The following ZDHHC14 variants were observed in gnomAD, a reference collection of about 807,000 sequenced individuals.
ZDHHC14 encodes the protein zDHHC palmitoyltransferase 14, also known as palmitoyltransferase ZDHHC14.
In ZDHHC14, 16 loss-of-function variants were observed where a neutral mutation model predicts 47.7. The ratio of observed to expected loss-of-function variants is 0.34; its 90% CI spans 0.23 to 0.51. The LOEUF is 0.51. Ranked by LOEUF, ZDHHC14 falls within the 20% of genes least tolerant of loss-of-function variation. The pLI, the probability that ZDHHC14 is intolerant of heterozygous loss-of-function variation, is 0.97. For synonymous variants in ZDHHC14, 293 were observed against 278.9 expected (o/e 1.05, Z -0.50); for missense variants, 515 against 662.5 (o/e 0.78, Z 2.44).
At chr6:157,528,056 G>A (rs774158045) in intron 1 of ZDHHC14, among the ~76,000 whole-genome samples, 15 of 152,086 alleles carry the variant, frequency 9.9e-5, no homozygotes, top group African/African-American at 3.1e-4. Flanking sequence ...GGCCAGCCAG[G>A]CATGATTTCC....
chr6:157,542,894 G>A (rs993746087), intron 2 of ZDHHC14, 149 bp downstream of exon 2: 18 of 1,006,170 alleles, frequency 1.8e-5, no homozygotes, highest in Non-Finnish European at 2.4e-5. Flanking sequence ...CGCTGGGTGG[G>A]CAGGATGAGC....
chr6:157,422,481 G>T (rs1389371214), intron 1 of ZDHHC14, among the ~76,000 whole-genome samples: 1 of 152,188 alleles, frequency 6.6e-6, no homozygotes, highest in Admixed American at 6.5e-5. Flanking sequence ...AAACTCAGCA[G>T]CCTCTAGTGG....
At chr6:157,466,054 A>AG (rs1562436515) in intron 1 of ZDHHC14, among the ~76,000 whole-genome samples, 3 of 151,868 alleles carry the variant, frequency 2.0e-5, no homozygotes, top group Admixed American at 6.5e-5. Flanking sequence ...AGAAAAAAAA[A>AG]AGAGAGAGAG....
chr6:157,573,120 G>A (rs1484884877), intron 2 of ZDHHC14, among the ~76,000 whole-genome samples: 21 of 151,900 alleles, frequency 1.4e-4, no homozygotes, highest in East Asian at 7.8e-4. Context: ...TTCCTGTTCC[G>A]AGAAAGGCAA....
At chr6:157,576,467 T>C (rs188194907) in intron 2 of ZDHHC14, among the ~76,000 whole-genome samples, 1 of 152,340 alleles carries the variant, frequency 6.6e-6, no homozygotes, top group Non-Finnish European at 1.5e-5. Context: ...GCCCAGAGAT[T>C]ATATTCAATG....
At position 157,582,125 on chromosome 6, in the gene ZDHHC14, G is replaced by T. The variant is rs766810311; in HGVS notation, c.407-10863G>T. ...TTGGCCAGGCTGGTCTCAAACTCCT[G>T]GCCTCAAGTGATCTGCCCACCTGGG... On this transcript the variant is annotated intron_variant, in intron 2 of 8. Coordinates refer to ENST00000359775, the MANE Select transcript of ZDHHC14 (RefSeq NM_024630.3). The surrounding 1 kb of genome is among the most constrained non-coding windows in gnomAD (Gnocchi z 4.3). Among the ~76,000 whole-genome samples, 6 of 152,180 alleles carry T rather than the reference G, an allele frequency of 3.9e-5. No homozygotes were observed. Among genetic ancestry groups the T allele is most frequent in the Non-Finnish European group, 7.3e-5 (5 of 68,036 alleles).
At chr6:157,422,236 G>C (rs1778123032) in intron 1 of ZDHHC14, among the ~76,000 whole-genome samples, 1 of 152,202 alleles carries the variant, frequency 6.6e-6, no homozygotes, top group Non-Finnish European at 1.5e-5. Context: ...TGGATTGAGG[G>C]TGGGATGTCA....
intron 1 of ZDHHC14, among the ~76,000 whole-genome samples, chr6:157,518,631 T>G: frequency 6.6e-6 from 1 of 151,562 alleles, no homozygotes; most frequent in Non-Finnish European, 1.5e-5. Context: ...GTCCCCGCCT[T>G]TCCCACCCTC....
chr6:157,597,929 TCC>T, intron 3 of ZDHHC14, among the ~76,000 whole-genome samples: 1 of 152,340 alleles, frequency 6.6e-6, no homozygotes, highest in African/African-American at 2.4e-5. Flanking sequence ...GGCAGGGCTT[TCC>T]CCTGCCTCTT....
At chr6:157,647,798 G>A (rs1399753351) in intron 7 of ZDHHC14, among the ~76,000 whole-genome samples, 1 of 152,216 alleles carries the variant, frequency 6.6e-6, no homozygotes, top group East Asian at 1.9e-4. Context: ...TAGGGAGAAA[G>A]CCACATGGGC....
At chr6:157,615,696 A>G (rs1008911587) in intron 3 of ZDHHC14, among the ~76,000 whole-genome samples, 2 of 152,238 alleles carry the variant, frequency 1.3e-5, no homozygotes, top group Non-Finnish European at 2.9e-5. Flanking sequence ...GTGGTGTTTC[A>G]TAAGGGGGCA....
intron 1 of ZDHHC14, among the ~76,000 whole-genome samples, chr6:157,451,736 T>C (rs956587173): frequency 2.6e-5 from 4 of 152,130 alleles, no homozygotes; most frequent in East Asian, 1.9e-4. Flanking sequence ...AATTTTTGTA[T>C]TTTTAGTAGA....
At chr6:157,436,240 G>A (rs867061819) in intron 1 of ZDHHC14, among the ~76,000 whole-genome samples, 2 of 152,134 alleles carry the variant, frequency 1.3e-5, no homozygotes, top group South Asian at 4.2e-4. Context: ...AGATAATGAA[G>A]ATGCAAATGG....
chr6:157,388,371 A>G (rs1048895121), intron 1 of ZDHHC14, among the ~76,000 whole-genome samples: 2 of 152,364 alleles, frequency 1.3e-5, no homozygotes, highest in African/African-American at 4.8e-5. Context: ...AATGGGCCAT[A>G]TCTGCATATC....
chr6:157,388,481 G>A (rs2800441), intron 1 of ZDHHC14, among the ~76,000 whole-genome samples: 103,445 of 151,846 alleles, frequency 0.68, 36,844 homozygotes, highest in Middle Eastern at 0.89. Context: ...AGAGTTGCAA[G>A]GAAGTGCATT....
At chr6:157,623,304 G>C (rs1011700616) in intron 3 of ZDHHC14, among the ~76,000 whole-genome samples, 6 of 152,136 alleles carry the variant, frequency 3.9e-5, no homozygotes, top group East Asian at 1.9e-4. Context: ...TAGTGAGTGA[G>C]TTCTCATGAG....
chr6:157,666,071 C>T (rs1260079437), intron 8 of ZDHHC14, among the ~76,000 whole-genome samples: 1 of 152,200 alleles, frequency 6.6e-6, no homozygotes, highest in South Asian at 2.1e-4. Context: ...ATATGCATGA[C>T]ATACTCACGA....
At chr6:157,576,189 C>T (rs1383596812) in intron 2 of ZDHHC14, among the ~76,000 whole-genome samples, 1 of 152,220 alleles carries the variant, frequency 6.6e-6, no homozygotes, top group East Asian at 1.9e-4. Context: ...AGGATTTTAA[C>T]TGGAAGAGGA....
intron 3 of ZDHHC14, among the ~76,000 whole-genome samples, chr6:157,622,572 C>T (rs1785238854): frequency 6.6e-6 from 1 of 152,114 alleles, no homozygotes; most frequent in African/African-American, 2.4e-5. Flanking sequence ...CTGGGGCTCT[C>T]ACTGGTACCC....
Sources: gnomAD v4.1 joint callset for allele counts (sites outside exome capture counted in the v4.1 genomes callset) on GRCh38, gnomAD v4.1.1 for gene constraint, Gnocchi (gnomAD v3.1) non-coding constraint, MANE v1.5 for transcripts, NCBI Gene and HGNC (gene_info 2026-07-23, HGNC 2026-07-21) for gene names.